The following FAAH2 variants were observed in gnomAD, a reference collection of about 807,000 sequenced individuals.
The protein encoded by FAAH2 is fatty acid amide hydrolase 2.
Under a neutral mutation model 36.9 loss-of-function variants are expected in FAAH2, and 60 were observed. The ratio of observed to expected loss-of-function variants is 1.63; its 90% CI spans 1.32 to 2.02. The LOEUF (loss-of-function observed/expected upper bound fraction) is 2.02. Ranked by LOEUF, FAAH2 falls within the 30% of genes most tolerant of loss-of-function variation. FAAH2 has a pLI of 0.00. For missense variants in FAAH2, 689 were observed against 397.5 expected (o/e 1.73, Z -6.23); for synonymous variants, 214 against 143.8 (o/e 1.49, Z -3.49).
chrX:57,328,789 A>G (rs1473535704), intron 3 of FAAH2, among the ~76,000 whole-genome samples: 1 of 111,708 alleles, frequency 9.0e-6, no homozygotes, highest in Non-Finnish European at 1.9e-5. Flanking sequence ...AGGTAGGTTC[A>G]TTTGACTGGC....
chrX:57,331,272 T>C (rs1322805196), intron 3 of FAAH2, among the ~76,000 whole-genome samples: 1 of 111,525 alleles, frequency 9.0e-6, no homozygotes, highest in African/African-American at 3.3e-5. Flanking sequence ...TAGAGGCCCA[T>C]GTAGAAAGTG....
At chrX:57,338,096 A>C (rs978809627) in intron 4 of FAAH2, among the ~76,000 whole-genome samples, 2 of 112,004 alleles carry the variant, frequency 1.8e-5, no homozygotes, top group African/African-American at 6.5e-5. Context: ...ACCACCAAAC[A>C]GGCTTTGTGT....
At chrX:57,478,843 G>A (rs982130763) in intron 10 of FAAH2, among the ~76,000 whole-genome samples, 2 of 111,294 alleles carry the variant, frequency 1.8e-5, no homozygotes, top group African/African-American at 3.3e-5. Flanking sequence ...TTCCATTGAT[G>A]TATATCTCTG....
At position 57,487,931 on chromosome X, in the gene FAAH2, A is replaced by G. The variant is rs183920279; in HGVS notation, c.1424-826A>G. On this transcript the variant is annotated intron_variant, in intron 10 of 10. Transcript: ENST00000374900. ...TGAATAGATAATCAAAATTTGGTAT[A>G]TTTATTCAATGGAATAGTCTTTGTC... Among the ~76,000 whole-genome samples the G allele has an allele frequency of 6.2e-5, 7 of 112,209 alleles. No individual in the cohort carries two copies. In the East Asian group the frequency reaches 1.7e-3, roughly 27 times the overall value.
At chrX:57,369,805 C>T (rs961335967) in intron 5 of FAAH2, among the ~76,000 whole-genome samples, 1 of 111,658 alleles carries the variant, frequency 9.0e-6, no homozygotes, top group African/African-American at 3.3e-5. Context: ...ATTCAGAACA[C>T]TCCATTATTA....
chrX:57,341,948 A>G (rs758106131), intron 5 of FAAH2, among the ~76,000 whole-genome samples: 187 of 111,835 alleles, frequency 1.7e-3, no homozygotes, highest in Non-Finnish European at 2.9e-3. Context: ...TTATGGTGGT[A>G]AGAATGTCAA....
At chrX:57,213,890 A>T in the FAAH2 span, among the ~76,000 whole-genome samples, 1 of 111,288 alleles carries the variant, frequency 9.0e-6, no homozygotes, top group South Asian at 3.8e-4. Flanking sequence ...ATTTTTCTGG[A>T]TTATCTATCT....
chrX:57,361,657 T>TTA (rs1292966433), intron 5 of FAAH2, among the ~76,000 whole-genome samples: 2 of 111,379 alleles, frequency 1.8e-5, no homozygotes, highest in South Asian at 3.7e-4. Context: ...ATATGTGATA[T>TTA]TATATATATA....
chrX:57,401,511 T>C lies in FAAH2; in HGVS notation c.996+20482T>C, dbSNP rs188151343. Among the ~76,000 whole-genome samples the C allele has an allele frequency of 1.4e-3, 161 of 111,729 alleles. 2 individuals carry two copies. In the Middle Eastern group the frequency reaches 0.047, roughly 32 times the overall value. Reference sequence around the variant, plus strand: ...TGGATATAGAGGGACAACGGCCTCATTGATAATCCTGAGATCTTGCACTAA... The same window carrying C: ...TGGATATAGAGGGACAACGGCCTCACTGATAATCCTGAGATCTTGCACTAA... On this transcript the variant is annotated intron_variant, in intron 7 of 10. Transcript: ENST00000374900.
At chrX:57,251,539 T>C in the FAAH2 span, among the ~76,000 whole-genome samples, 1 of 111,635 alleles carries the variant, frequency 9.0e-6, no homozygotes, top group East Asian at 2.8e-4. Context: ...GTCATCCAAA[T>C]TGGAAACGAG....
At chrX:57,226,093 G>T in the FAAH2 span, among the ~76,000 whole-genome samples, 1 of 112,150 alleles carries the variant, frequency 8.9e-6, no homozygotes, top group Admixed American at 9.4e-5. Context: ...CCATTATGTG[G>T]TTCTGCATCT....
chrX:57,335,886 A>G (rs368778904), intron 4 of FAAH2, among the ~76,000 whole-genome samples: 1 of 111,748 alleles, frequency 8.9e-6, no homozygotes, highest in East Asian at 2.8e-4. Flanking sequence ...CTCATAGCAA[A>G]CATGCTGCCT....
the FAAH2 span, among the ~76,000 whole-genome samples, chrX:57,274,555 C>G: frequency 8.9e-6 from 1 of 112,125 alleles, no homozygotes; most frequent in African/African-American, 3.2e-5. Context: ...AGATTATCCA[C>G]TATGATCAAG....
the FAAH2 span, among the ~76,000 whole-genome samples, chrX:57,245,058 A>G: frequency 9.0e-6 from 1 of 111,295 alleles, no homozygotes; most frequent in Middle Eastern, 4.3e-3. Flanking sequence ...ATGGAAAACA[A>G]AAAAAAAGCA....
At chrX:57,385,932 G>T (rs1161142562) in intron 7 of FAAH2, among the ~76,000 whole-genome samples, 2 of 109,636 alleles carry the variant, frequency 1.8e-5, no homozygotes, top group African/African-American at 3.3e-5. Flanking sequence ...AGCATAAGTG[G>T]ATACATTACT....
chrX:57,383,552 A>G (rs1430671852), intron 7 of FAAH2, among the ~76,000 whole-genome samples: 3 of 111,876 alleles, frequency 2.7e-5, no homozygotes, highest in Non-Finnish European at 3.8e-5. Context: ...GAACCAAATC[A>G]TGAGTGAACT....
chrX:57,463,945 G>A (rs1445092700), intron 10 of FAAH2, among the ~76,000 whole-genome samples: 2 of 111,818 alleles, frequency 1.8e-5, no homozygotes, highest in East Asian at 5.6e-4. Context: ...TATAAAGACA[G>A]ATCCACACAT....
intron 7 of FAAH2, among the ~76,000 whole-genome samples, chrX:57,421,629 T>C (rs1414890850): frequency 1.8e-5 from 2 of 111,322 alleles, no homozygotes; most frequent in Admixed American, 9.6e-5. Context: ...CTCACTCTTA[T>C]GATCTCATTA....
chrX:57,213,511 T>G, the FAAH2 span, among the ~76,000 whole-genome samples: 1 of 111,851 alleles, frequency 8.9e-6, no homozygotes, highest in Non-Finnish European at 1.9e-5. Context: ...TATCCCAGAA[T>G]TTTTGGTATT....
Sources: allele counts gnomAD v4.1 joint callset (sites outside exome capture counted in the v4.1 genomes callset), GRCh38; gene constraint gnomAD v4.1.1; transcripts MANE v1.5; gene names NCBI Gene and HGNC (gene_info 2026-07-23, HGNC 2026-07-21).